CDYL2: variants seen among roughly 807,000 people sequenced by gnomAD.
CDYL2 encodes the protein chromodomain Y-like protein 2.
In CDYL2, 23 loss-of-function variants were observed where a neutral mutation model predicts 49.4. The observed-to-expected ratio is 0.47, with a 90% CI of 0.34 to 0.66. CDYL2 has a LOEUF of 0.66. CDYL2 is among the 30% of genes least tolerant of loss of function. The pLI is 0.01. For synonymous variants in CDYL2, 360 were observed against 268.8 expected (o/e 1.34, Z -3.32); for missense variants, 678 against 656.4 (o/e 1.03, Z -0.36).
At chr16:80,630,954 T>G (rs1027418806) in intron 3 of CDYL2, among the ~76,000 whole-genome samples, 5 of 152,126 alleles carry the variant, frequency 3.3e-5, no homozygotes, top group African/African-American at 1.2e-4. Context: ...ATCCCTTGAC[T>G]TCATCCTCCA....
At chr16:80,646,400 T>C (rs1908347548) in intron 2 of CDYL2, among the ~76,000 whole-genome samples, 1 of 151,790 alleles carries the variant, frequency 6.6e-6, no homozygotes, top group African/African-American at 2.4e-5. Context: ...AGAAAACAAA[T>C]AACAAAATGG....
chr16:80,641,090 C>G (rs1199563385), intron 2 of CDYL2, among the ~76,000 whole-genome samples: 1 of 151,990 alleles, frequency 6.6e-6, no homozygotes, highest in East Asian at 1.9e-4. Flanking sequence ...ATATCAATAT[C>G]CAAGTACAAG....
rs763737432 is a variant in CDYL2 at position 80,604,502 on chromosome 16, T to C, written c.1407A>G (p.Ser469=). Residue 469 remains serine (S), a synonymous_variant, in exon 7 of 7, where the codon TCA becomes TCG. Coordinates refer to ENST00000570137, the MANE Select transcript of CDYL2 (RefSeq NM_152342.4). ...SKCLVRSFLK[S]VLEDVNEKEC... The stretch of plus-strand genomic sequence containing the variant: ...CCTTCTCGTTCACGTCTTCCAGCAC[T>C]GATTTCAGGAAGCTCCGCACGAGGC... 11 of 1,614,218 alleles carry C rather than the reference T, an allele frequency of 6.8e-6. No individual in the cohort carries two copies. The highest frequency in any genetic ancestry group is 1.3e-5 in the African/African-American group (1 of 75,060).
chr16:80,699,843 G>C (rs547512116), intron 1 of CDYL2, among the ~76,000 whole-genome samples: 1 of 151,968 alleles, frequency 6.6e-6, no homozygotes, highest in African/African-American at 2.4e-5. Flanking sequence ...TGTGGAAAAG[G>C]TAAATAATTA....
chr16:80,654,385 A>T (rs529493846), intron 2 of CDYL2, among the ~76,000 whole-genome samples: 2 of 152,342 alleles, frequency 1.3e-5, no homozygotes, highest in South Asian at 4.1e-4. Flanking sequence ...CACACAGTAA[A>T]CCAGGAATAA....
chr16:80,797,803 T>C (rs1025347536), intron 1 of CDYL2, among the ~76,000 whole-genome samples: 1 of 152,212 alleles, frequency 6.6e-6, no homozygotes, highest in Non-Finnish European at 1.5e-5. Context: ...ACTCCCTTAG[T>C]TCAAGCCACC....
At chr16:80,775,223 AT>A (rs1567603138) in intron 1 of CDYL2, among the ~76,000 whole-genome samples, 2 of 151,824 alleles carry the variant, frequency 1.3e-5, no homozygotes, top group Non-Finnish European at 2.9e-5. Flanking sequence ...AAAATATATT[AT>A]AAGTGAAGAT....
At chr16:80,746,061 G>C (rs1905918819) in intron 1 of CDYL2, among the ~76,000 whole-genome samples, 1 of 152,196 alleles carries the variant, frequency 6.6e-6, no homozygotes, top group Non-Finnish European at 1.5e-5. Context: ...AATGTAAAGA[G>C]TGGATGGAAA....
At chr16:80,760,807 A>G (rs768625799) in intron 1 of CDYL2, among the ~76,000 whole-genome samples, 3 of 151,856 alleles carry the variant, frequency 2.0e-5, no homozygotes, top group Admixed American at 6.6e-5. Context: ...GAGCAAGAAC[A>G]TTCAGAGTTG....
At chr16:80,620,665 C>G (rs912803026) in intron 4 of CDYL2, 98 bp downstream of exon 4, 32 of 1,156,972 alleles carry the variant, frequency 2.8e-5, no homozygotes, top group Middle Eastern at 2.2e-4. Flanking sequence ...AAATAAAATT[C>G]CTGGTTGTTT....
intron 1 of CDYL2, among the ~76,000 whole-genome samples, chr16:80,778,229 T>A (rs1180340251): frequency 6.6e-6 from 1 of 151,976 alleles, no homozygotes. Context: ...AAAAAGCAGT[T>A]TTATTGAATG....
At chr16:80,646,195 A>G (rs533695513) in intron 2 of CDYL2, among the ~76,000 whole-genome samples, 5 of 152,264 alleles carry the variant, frequency 3.3e-5, no homozygotes, top group African/African-American at 1.2e-4. Context: ...AATATGTGGG[A>G]ATTATGGGAA....
chr16:80,702,177 G>C (rs564338208), intron 1 of CDYL2, among the ~76,000 whole-genome samples: 1 of 135,968 alleles, frequency 7.4e-6, no homozygotes, highest in East Asian at 2.1e-4. Flanking sequence ...GAGTCAGAAG[G>C]CCTAAAACAC....
chr16:80,633,271 A>G, intron 2 of CDYL2, 35 bp from the exon 3 acceptor site: 1 of 1,590,070 alleles, frequency 6.3e-7, no homozygotes, highest in Non-Finnish European at 8.6e-7. Context: ...AAGAAACTGA[A>G]ATGGACCACG....
chr16:80,631,631 C>G (rs1026650042), intron 3 of CDYL2, among the ~76,000 whole-genome samples: 1 of 152,148 alleles, frequency 6.6e-6, no homozygotes, highest in Non-Finnish European at 1.5e-5. Context: ...AATAGGAGAA[C>G]ATATTTTCAA....
intron 1 of CDYL2, among the ~76,000 whole-genome samples, chr16:80,777,242 T>G (rs1907117103): frequency 6.6e-6 from 1 of 152,144 alleles, no homozygotes; most frequent in African/African-American, 2.4e-5. Flanking sequence ...AAGATGTCCT[T>G]TTTTAAAACT....
intron 4 of CDYL2, among the ~76,000 whole-genome samples, chr16:80,613,268 A>G (rs911134922): frequency 2.0e-5 from 3 of 152,208 alleles, no homozygotes; most frequent in South Asian, 2.1e-4. Context: ...GAGAGAAAGA[A>G]TGTTCTAACA....
intron 1 of CDYL2, among the ~76,000 whole-genome samples, chr16:80,698,458 T>C (rs1904285049): frequency 6.6e-6 from 1 of 152,136 alleles, no homozygotes; most frequent in East Asian, 1.9e-4. Flanking sequence ...TGAAAAGACA[T>C]TTCTCAAAAG....
At chr16:80,643,168 T>C (rs374315723) in intron 2 of CDYL2, among the ~76,000 whole-genome samples, 62 of 152,284 alleles carry the variant, frequency 4.1e-4, no homozygotes, top group African/African-American at 1.4e-3. Flanking sequence ...ACAAAGGGGT[T>C]ACAGGGCCCA....
Sources: gnomAD v4.1 joint callset for allele counts (sites outside exome capture counted in the v4.1 genomes callset) on GRCh38, gnomAD v4.1.1 for gene constraint, MANE v1.5 for transcripts, NCBI Gene and HGNC (gene_info 2026-07-23, HGNC 2026-07-21) for gene names.